The following CRYBG2 variants were observed in gnomAD, a reference collection of about 807,000 sequenced individuals.
The protein encoded by CRYBG2 is beta/gamma crystallin domain-containing protein 2.
In CRYBG2, 106 loss-of-function variants were observed where a neutral mutation model predicts 153.4. The observed-to-expected ratio is 0.69, with a 90% confidence interval of 0.59 to 0.81. The LOEUF (loss-of-function observed/expected upper bound fraction) is 0.81, where lower values mean the gene tolerates loss of function less well. CRYBG2 is among the 30% of genes least tolerant of loss of function. The probability of loss-of-function intolerance (pLI) is 0.00; values close to 1 mark genes in which losing one functional copy is unlikely to be tolerated. For synonymous variants in CRYBG2, 851 were observed against 877.8 expected (o/e 0.97, Z 0.54); for missense variants, 1,996 against 2,112.0 (o/e 0.95, Z 1.08).
intron 19 of CRYBG2, 52 bp downstream of exon 19, chr1:26,322,112 C>G: frequency 2.5e-6 from 4 of 1,599,496 alleles, no homozygotes; most frequent in Non-Finnish European, 3.4e-6. Flanking sequence ...AGCTGGGACT[C>G]CATGGCTCTC....
rs1484713407 is a variant in CRYBG2 at position 26,343,194 on chromosome 1, C to G, written c.2962-35G>C. ...CACAGAAGGGGTCCTCAGGCCCTGACCCCAGGCCCCTGCATCCTGCTGCCC... is the reference window on the plus strand; with the variant it reads ...CACAGAAGGGGTCCTCAGGCCCTGAGCCCAGGCCCCTGCATCCTGCTGCCC... On this transcript the variant is annotated intron_variant, in intron 3 of 19. Transcript: ENST00000308182. The surrounding 1 kb of genome is among the most constrained non-coding windows in gnomAD (Gnocchi z 4.1). 3.9e-6 allele frequency: 6 copies of G among 1,550,468 alleles called. No homozygotes were observed. In the Admixed American group the frequency reaches 1.2e-4, roughly 30 times the overall value.
Position 26,346,452 on chromosome 1 carries a change from G to A in CRYBG2, c.206C>T (p.Ala69Val). The A allele has an allele frequency of 1.2e-6, 2 of 1,604,984 alleles. No individual in the cohort carries two copies. The highest frequency in any genetic ancestry group is 1.7e-6 in the Non-Finnish European group (2 of 1,179,708). ...ATTCACAGTCTCTTCTTCCTGTGTT[G>A]CAAAGCCATTGACTTCCACTTCCTC... The part of the protein sequence containing the change: ...RREEVEVNGF[A>V]TQEEETVNCQ... The change falls in exon 2 of 20, where the codon GCA becomes GTA. Residue 69 changes from alanine to valine, a missense_variant. Coordinates refer to ENST00000308182, the MANE Select transcript of CRYBG2 (RefSeq NM_001039775.4). The surrounding 1 kb of genome is among the most constrained non-coding windows in gnomAD (Gnocchi z 4.9).
Position 26,342,845 on chromosome 1 carries a change from T to A in CRYBG2, c.3113A>T (p.Lys1038Met). The change falls in exon 5 of 20, where the codon AAG (lysine) becomes ATG (methionine). Residue 1038 changes from lysine (K) to methionine (M), a missense_variant. Lys to Met is a moderately conservative substitution (Grantham distance 95, BLOSUM62 -1). Transcript: ENST00000308182. The stretch of plus-strand genomic sequence containing the variant: ...CATGTCTCCTTCAGGCAGGACCAGC[T>A]TCTGACCCCGGAACTCTGGCTCTTC... The part of the protein sequence containing the change: ...LYEEPEFRGQ[K>M]LVLPEGDMEL... 1 of 1,614,196 alleles carries A rather than the reference T, an allele frequency of 6.2e-7. No homozygotes were observed. Among genetic ancestry groups the A allele is most frequent in the Non-Finnish European group, 8.5e-7 (1 of 1,180,024 alleles).
rs976113726 is a variant in CRYBG2, at chr1:26,354,050, T to G, written c.-70A>C. The G allele has an allele frequency of 1.3e-5, 5 of 399,422 alleles. No homozygotes were observed. Among genetic ancestry groups the G allele is most frequent in the African/African-American group, 8.2e-5 (4 of 48,648 alleles). 24.7% of individuals were successfully genotyped at this position (399,422 alleles called of 1,614,324 possible). ...CACAGACCGACCTCTACTCACAGTCTGCGTGGGGACCCAGGTGTCCAGCCA... is the reference window on the plus strand; with the variant it reads ...CACAGACCGACCTCTACTCACAGTCGGCGTGGGGACCCAGGTGTCCAGCCA... On this transcript the variant is annotated 5_prime_UTR_variant, in exon 1 of 20. Coordinates refer to ENST00000308182, the MANE Select transcript of CRYBG2 (RefSeq NM_001039775.4).
chr1:26,347,266 A>G lies in CRYBG2; in HGVS notation c.-55-554T>C, dbSNP rs576310790. Among the ~76,000 whole-genome samples, 89 of 149,282 alleles carry G rather than the reference A, an allele frequency of 6.0e-4. 1 individual carries two copies. The highest frequency in any genetic ancestry group is 4.9e-3 in the South Asian group (23 of 4,692). ...CTTGCCAGAGTCCAGTAAGAGAAAC[A>G]ATGAAACCTCCCCCTGCGTTTTTTT... On this transcript the variant is annotated intron_variant, in intron 1 of 19. Transcript: ENST00000308182.
In CRYBG2 at chr1:26,349,506, T is replaced by A. The variant is rs139926697; in HGVS notation, c.-55-2794A>T. Among the ~76,000 whole-genome samples the A allele has an allele frequency of 1.5e-3, 225 of 152,074 alleles. 1 individual carries two copies. The highest frequency in any genetic ancestry group is 5.1e-3 in the African/African-American group (211 of 41,456). The stretch of plus-strand genomic sequence containing the variant: ...CCGTCCTGGAGGGGTGGGGCCTGGG[T>A]CTTGTTTCTTTTCTGACTCTTCCTT... On this transcript the variant is annotated intron_variant, in intron 1 of 19. Coordinates refer to ENST00000308182, the MANE Select transcript of CRYBG2 (RefSeq NM_001039775.4).
intron 15 of CRYBG2, 33 bp downstream of exon 15, chr1:26,331,456 C>T (rs935094057): frequency 3.2e-5 from 51 of 1,596,458 alleles, no homozygotes; most frequent in Non-Finnish European, 3.1e-5. Context: ...CTTCTGCTTC[C>T]GGGATTGCCT....
chr1:26,347,737 G>C (rs113478107), intron 1 of CRYBG2, among the ~76,000 whole-genome samples: 13 of 152,092 alleles, frequency 8.5e-5, no homozygotes, highest in Admixed American at 2.0e-4. Flanking sequence ...TGATCCACCC[G>C]TCTTGGCCTC....
At position 26,336,518 on chromosome 1, in the gene CRYBG2, A is replaced by C. The variant is rs1380932595; in HGVS notation, c.4038+88T>G. 8 of 1,544,338 alleles carry C rather than the reference A, an allele frequency of 5.2e-6. No individual in the cohort carries two copies. In the East Asian group the frequency reaches 2.0e-4, roughly 38 times the overall value. The stretch of plus-strand genomic sequence containing the variant: ...CCCCAAGCGCCCAGGCAGGTCCTCC[A>C]GCCCGCTACCTCTGCGTGGGGGCGG... On this transcript the variant is annotated intron_variant, in intron 12 of 19. Coordinates refer to ENST00000308182, the MANE Select transcript of CRYBG2 (RefSeq NM_001039775.4). The surrounding 1 kb of genome is among the most constrained non-coding windows in gnomAD (Gnocchi z 4.9).
chr1:26,350,250 C>T (rs1419423131), intron 1 of CRYBG2, among the ~76,000 whole-genome samples: 1 of 152,156 alleles, frequency 6.6e-6, no homozygotes, highest in Non-Finnish European at 1.5e-5. Flanking sequence ...ACCCCCTTGA[C>T]CTTGGGCTTC....
chr1:26,337,066 G>A (rs2124704208), intron 10 of CRYBG2, 86 bp from the exon 11 acceptor site: 2 of 1,571,056 alleles, frequency 1.3e-6, no homozygotes, highest in East Asian at 4.5e-5. Flanking sequence ...CAGCCCACCC[G>A]GGGAATTAGG....
In CRYBG2 at chr1:26,344,670, T is replaced by A. The variant is rs747606832; in HGVS notation, c.1988A>T (p.Glu663Val). 4 of 1,533,854 alleles carry A rather than the reference T, an allele frequency of 2.6e-6. No homozygotes were observed. In the African/African-American group the frequency reaches 5.5e-5, roughly 21 times the overall value. Reference protein sequence around the residue: ...GSLAPPLTKEETVQGPIAPAT... With the variant: ...GSLAPPLTKEVTVQGPIAPAT... ...AGGAGCAATTGGGCCTTGAACAGTC[T>A]CTTCCTTGGTGAGGGGCGGGGCAAG... Residue 663 changes from glutamate (E) to valine (V), a missense_variant, in exon 2 of 20, where the codon GAG (glutamate) becomes GTG (valine). Transcript: ENST00000308182.
chr1:26,337,488 G>T (rs750147775), intron 9 of CRYBG2, 50 bp downstream of exon 9: 4 of 1,605,640 alleles, frequency 2.5e-6, no homozygotes, highest in Non-Finnish European at 3.4e-6. Context: ...CCACTCCCAA[G>T]GGTAAAGGCC....
At chr1:26,338,183 A>G in intron 7 of CRYBG2, 136 bp from the exon 8 acceptor site, 1 of 1,405,302 alleles carries the variant, frequency 7.1e-7, no homozygotes, top group African/African-American at 1.4e-5. Context: ...GTTAATCCCT[A>G]CCTCTCCTCC....
chr1:26,342,225 A>G (rs1374191570), intron 5 of CRYBG2, among the ~76,000 whole-genome samples: 1 of 151,072 alleles, frequency 6.6e-6, no homozygotes, highest in African/African-American at 2.4e-5. Flanking sequence ...TTGAGCATCC[A>G]CTCAAACTTC....
chr1:26,338,504 C>T, intron 6 of CRYBG2, 27 bp from the exon 7 acceptor site: 1 of 1,573,170 alleles, frequency 6.4e-7, no homozygotes, highest in South Asian at 1.2e-5. Flanking sequence ...GGCTGCTGCA[C>T]CCTAGCAGAG....
Position 26,324,401 on chromosome 1 carries a change from G to A in CRYBG2, c.4579-91C>T. Reference sequence around the variant, plus strand: ...TCAACTCTGGACTCTCCAGTATCAGGCTCCCAAGCCCTCCCTCCTGTCCCC... The same window carrying A: ...TCAACTCTGGACTCTCCAGTATCAGACTCCCAAGCCCTCCCTCCTGTCCCC... On this transcript the variant is annotated intron_variant, in intron 17 of 19. Coordinates refer to ENST00000308182, the MANE Select transcript of CRYBG2 (RefSeq NM_001039775.4). 3.6e-6 allele frequency: 5 copies of A among 1,369,956 alleles called. No homozygotes were observed. In the South Asian group the frequency reaches 7.3e-5, roughly 20 times the overall value. 84.9% of individuals were successfully genotyped at this position (1,369,956 alleles called of 1,614,324 possible).
rs767673703 is a variant in CRYBG2 at position 26,331,504 on chromosome 1, G to A, written c.4299C>T (p.Leu1433=). Residue 1433 remains leucine (L), a synonymous_variant, in exon 15 of 20, where the codon CTC becomes CTT. Coordinates refer to ENST00000308182, the MANE Select transcript of CRYBG2 (RefSeq NM_001039775.4). ...GCLASTVLGS[L]QKVSLHFSEP... is the part of the protein sequence containing the mutation. ...GGAAACTCACCAGGGATACCTTCTG[G>A]AGAGAGCCCAGGACTGTGGAGGCGA... is the stretch of plus-strand genomic sequence containing the variant. 6.2e-7 allele frequency: 1 copy of A among 1,613,692 alleles called. No homozygotes were observed. Among genetic ancestry groups the A allele is most frequent in the African/African-American group, 1.3e-5 (1 of 74,930 alleles).
chr1:26,353,997 C>T, intron 1 of CRYBG2, 39 bp downstream of exon 1: 1 of 399,376 alleles, frequency 2.5e-6, no homozygotes, highest in Non-Finnish European at 4.4e-6. Context: ...ACAGGGCAGC[C>T]AGGCCAGTCT....
Sources: allele counts gnomAD v4.1 joint callset (sites outside exome capture counted in the v4.1 genomes callset), GRCh38; gene constraint gnomAD v4.1.1; non-coding constraint Gnocchi (gnomAD v3.1); transcripts MANE v1.5; gene names NCBI Gene and HGNC (gene_info 2026-07-23, HGNC 2026-07-21).